The following DGCR2 variants were observed in gnomAD, a reference collection of about 807,000 sequenced individuals.
DGCR2 encodes the protein integral membrane protein DGCR2/IDD.
DGCR2 carries 24 observed loss-of-function variants against 51.6 expected under a neutral mutation model. The ratio of observed to expected loss-of-function variants is 0.47; its 90% CI spans 0.34 to 0.65. The LOEUF is 0.65. DGCR2 is among the 30% of genes least tolerant of loss of function. The pLI is 0.01. For synonymous variants in DGCR2, 340 were observed against 315.4 expected (o/e 1.08, Z -0.82); for missense variants, 765 against 772.1 (o/e 0.99, Z 0.11).
chr22:19,098,977 T>A (rs1454767249), intron 1 of DGCR2, among the ~76,000 whole-genome samples: 1 of 152,170 alleles, frequency 6.6e-6, no homozygotes, highest in Non-Finnish European at 1.5e-5. Context: ...CCTAATGAAC[T>A]GCACAGCTCA....
rs2082614750 is a variant in DGCR2 at position 19,057,308 on chromosome 22, C to G, written c.626-146G>C. 4 of 930,332 alleles carry G rather than the reference C, an allele frequency of 4.3e-6. No individual in the cohort carries two copies. The South Asian group carries it at 5.5e-5, about 13-fold the overall frequency. 57.6% of individuals were successfully genotyped at this position (930,332 alleles called of 1,614,324 possible). Reference sequence around the variant, plus strand: ...CTGGTGGTCACTGTGGCCAGGTGTTCACTCGGGACTCCCCAACCTCCTGGG... The same window carrying G: ...CTGGTGGTCACTGTGGCCAGGTGTTGACTCGGGACTCCCCAACCTCCTGGG... On this transcript the variant is annotated intron_variant, in intron 5 of 9. Transcript: ENST00000263196. This position sits in a 1 kb window ranked among gnomAD's most constrained non-coding sequence, Gnocchi z 5.1.
At chr22:19,068,032 TGGA>T in intron 3 of DGCR2, 65 bp downstream of exon 3, 1 of 1,479,350 alleles carries the variant, frequency 6.8e-7, no homozygotes, top group Non-Finnish European at 8.9e-7. Flanking sequence ...ACAGTAGTGC[TGGA>T]AAGGCAGGGG....
intron 7 of DGCR2, among the ~76,000 whole-genome samples, chr22:19,042,692 C>G (rs962646357): frequency 1.3e-5 from 2 of 152,184 alleles, no homozygotes; most frequent in Non-Finnish European, 2.9e-5. Flanking sequence ...GAGGCCTGGA[C>G]CGGGTAGTGA....
intron 1 of DGCR2, among the ~76,000 whole-genome samples, chr22:19,095,607 G>A (rs1423620753): frequency 6.8e-6 from 1 of 146,500 alleles, no homozygotes; most frequent in Non-Finnish European, 1.5e-5. Context: ...CTGGCAGTGA[G>A]CCCAGATCGC....
chr22:19,105,689 T>C lies in DGCR2; in HGVS notation c.80-16199A>G, dbSNP rs534972628. Among the ~76,000 whole-genome samples the C allele has an allele frequency of 3.9e-5, 4 of 103,134 alleles. No homozygotes were observed. The East Asian group carries it at 9.0e-4, about 23-fold the overall frequency. The allele number at this position is 103,134 out of a possible 152,430, so 67.7% of individuals were successfully genotyped here. A position where few individuals can be genotyped will look rare whatever the true frequency, so the allele number is the denominator to read the frequency against. ...CGGCTGGCGATGGAGGAGTGCATCA[T>C]CAGAACACCAACCTGCGTCAGACAG... On this transcript the variant is annotated intron_variant, in intron 1 of 9. Transcript: ENST00000263196.
chr22:19,101,952 G>A (rs370915036), intron 1 of DGCR2, among the ~76,000 whole-genome samples: 20 of 152,152 alleles, frequency 1.3e-4, no homozygotes, highest in African/African-American at 4.8e-4. Flanking sequence ...CTACTTGGGA[G>A]GCTGAGGCAC....
intron 1 of DGCR2, among the ~76,000 whole-genome samples, chr22:19,099,730 G>A (rs2083180675): frequency 1.3e-5 from 2 of 151,904 alleles, no homozygotes; most frequent in Non-Finnish European, 1.5e-5. Context: ...CAGCACTTTG[G>A]GAGGCCAAGG....
Position 19,064,934 on chromosome 22 carries a change from G to C in DGCR2, c.462C>G (p.Thr154=), listed in dbSNP as rs2082730832. ...AGCGCAGCTCCTGGTCAGTGGAGAA[G>C]GTGGCGAGAGAGCCATTCAGGCGCT... The part of the protein sequence containing the change: ...TCQRLNGSLA[T]FSTDQELRFV... The change falls in exon 4 of 10, where the codon ACC becomes ACG. Residue 154 remains threonine, a synonymous_variant. Coordinates refer to ENST00000263196, the MANE Select transcript of DGCR2 (RefSeq NM_005137.3). 1 of 1,613,900 alleles carries C rather than the reference G, an allele frequency of 6.2e-7. No homozygotes were observed. The highest frequency in any genetic ancestry group is 1.3e-5 in the African/African-American group (1 of 74,950).
chr22:19,079,394 G>A (rs150121862), intron 2 of DGCR2, among the ~76,000 whole-genome samples: 3 of 152,242 alleles, frequency 2.0e-5, no homozygotes, highest in African/African-American at 7.2e-5. Context: ...TCTTGATTAG[G>A]CATTTTCTTA....
chr22:19,058,258 C>T (rs1204945449), intron 5 of DGCR2, among the ~76,000 whole-genome samples: 1 of 152,210 alleles, frequency 6.6e-6, no homozygotes, highest in Admixed American at 6.5e-5. Flanking sequence ...CTGAGACCTG[C>T]AAGACCTGTG....
intron 5 of DGCR2, among the ~76,000 whole-genome samples, chr22:19,062,830 G>C (rs530232754): frequency 1.5e-5 from 2 of 134,102 alleles, no homozygotes; most frequent in Admixed American, 7.7e-5. Context: ...GTTTCCTTCA[G>C]GTCTGGATTC....
chr22:19,091,921 A>G (rs1030956918), intron 1 of DGCR2, among the ~76,000 whole-genome samples: 7 of 152,180 alleles, frequency 4.6e-5, no homozygotes, highest in Non-Finnish European at 8.8e-5. Flanking sequence ...AAGAAATAAT[A>G]AAGATGAGAG....
At chr22:19,098,669 C>T (rs1481056286) in intron 1 of DGCR2, among the ~76,000 whole-genome samples, 1 of 152,174 alleles carries the variant, frequency 6.6e-6, no homozygotes, top group Non-Finnish European at 1.5e-5. Context: ...ATTACTGCAG[C>T]GTAGACACCC....
rs1166493840 is a variant in DGCR2, at chr22:19,043,708, A to C, written c.1007-1749T>G. Among the ~76,000 whole-genome samples the C allele has an allele frequency of 9.2e-5, 14 of 151,940 alleles. 1 individual carries two copies. In the South Asian group the frequency reaches 2.9e-3, roughly 32 times the overall value. ...AACAATCTCGGCAGGCAGGACCCCT[A>C]CTGCCTGCCCCAAGGAGACACTTCA... On this transcript the variant is annotated intron_variant, in intron 7 of 9. Transcript: ENST00000263196.
chr22:19,100,157 C>G (rs2146032114), intron 1 of DGCR2, among the ~76,000 whole-genome samples: 1 of 152,044 alleles, frequency 6.6e-6, no homozygotes, highest in African/African-American at 2.4e-5. Context: ...GTAATCCCAG[C>G]TACTCGGAAG....
intron 1 of DGCR2, among the ~76,000 whole-genome samples, chr22:19,096,880 A>G (rs1462802783): frequency 7.1e-6 from 1 of 139,946 alleles, no homozygotes; most frequent in Non-Finnish European, 1.5e-5. Flanking sequence ...TGTCCATTCT[A>G]TTAAAAAAAA....
At chr22:19,076,724 ATTTTTT>A (rs1165827499) in intron 2 of DGCR2, among the ~76,000 whole-genome samples, 75 of 79,956 alleles carry the variant, frequency 9.4e-4, no homozygotes, top group African/African-American at 3.8e-3. Flanking sequence ...TCCTTTGCAC[ATTTTTT>A]TTTTTTTTTT....
At position 19,038,842 on chromosome 22, in the gene DGCR2, C is replaced by T. The variant is rs758793216; in HGVS notation, c.*23G>A. On this transcript the variant is annotated 3_prime_UTR_variant, in exon 10 of 10. Coordinates refer to ENST00000263196, the MANE Select transcript of DGCR2 (RefSeq NM_005137.3). Reference sequence around the variant, plus strand: ...CTACAACAGACAGGTGCTCCCAGACCGTTGGGGTACAGGCCAGGCCGTCTA... The same window carrying T: ...CTACAACAGACAGGTGCTCCCAGACTGTTGGGGTACAGGCCAGGCCGTCTA... The T allele has an allele frequency of 1.2e-5, 19 of 1,603,614 alleles. No homozygotes were observed. Among genetic ancestry groups the T allele is most frequent in the Admixed American group, 3.4e-5 (2 of 59,196 alleles).
intron 1 of DGCR2, among the ~76,000 whole-genome samples, chr22:19,091,757 C>A (rs1238955761): frequency 6.6e-6 from 1 of 151,470 alleles, no homozygotes; most frequent in Non-Finnish European, 1.5e-5. Flanking sequence ...TCGAGACCAG[C>A]CTGGCCAACA....
Sources: gnomAD v4.1 joint callset for allele counts (sites outside exome capture counted in the v4.1 genomes callset) on GRCh38, gnomAD v4.1.1 for gene constraint, Gnocchi (gnomAD v3.1) non-coding constraint, MANE v1.5 for transcripts, NCBI Gene and HGNC (gene_info 2026-07-23, HGNC 2026-07-21) for gene names.